TICRR: variants seen among roughly 807,000 people sequenced by gnomAD.
TICRR encodes the protein treslin.
TICRR carries 132 observed loss-of-function variants against 178.1 expected under a neutral mutation model. The observed-to-expected ratio is 0.74, with a 90% CI of 0.64 to 0.86. The LOEUF is 0.86. Among genes scored for constraint, TICRR ranks in the 40% least tolerant of loss-of-function variants. The pLI is 0.00. For missense variants in TICRR, 2,587 were observed against 2,334.3 expected (o/e 1.11, Z -2.23); for synonymous variants, 991 against 900.7 (o/e 1.10, Z -1.79).
chr15:89,623,864 G>T lies in TICRR; in HGVS notation c.3554G>T (p.Gly1185Val), dbSNP rs770700341. ...PQKRHTQAGEGTSLETKTPRT... is the reference protein window; with the variant it reads ...PQKRHTQAGEVTSLETKTPRT... ...AAACGACATACCCAGGCAGGAGAAG[G>T]TACCTCTCTTGAAACGAAGACACCA... Residue 1185 changes from glycine to valine, a missense_variant, in exon 20 of 22, where the codon GGT becomes GTT. Gly to Val is a moderately radical substitution (Grantham distance 109, BLOSUM62 -3). Transcript: ENST00000268138. 1 of 1,613,840 alleles carries T rather than the reference G, an allele frequency of 6.2e-7. No individual in the cohort carries two copies. The highest frequency in any genetic ancestry group is 1.3e-5 in the African/African-American group (1 of 74,984).
Position 89,599,405 on chromosome 15 carries a change from A to G in TICRR, c.1982A>G (p.Tyr661Cys). The G allele has an allele frequency of 1.9e-6, 3 of 1,613,886 alleles. No homozygotes were observed. Among genetic ancestry groups the G allele is most frequent in the Non-Finnish European group, 2.5e-6 (3 of 1,179,888 alleles). The change falls in exon 8 of 22, where the codon TAT becomes TGT. Residue 661 changes from tyrosine (Y) to cysteine (C), a missense_variant. Transcript: ENST00000268138. ...KTVATGEIML[Y>C]ACARNMISTV... ...GTGGCCACAGGAGAAATCATGTTGT[A>G]TGCATGTGCTCGAAACATGATCTCA...
At position 89,625,269 on chromosome 15, in the gene TICRR, T is replaced by A; in HGVS notation, c.4959T>A (p.Pro1653=). 6.2e-7 allele frequency: 1 copy of A among 1,613,440 alleles called. No individual in the cohort carries two copies. Among genetic ancestry groups the A allele is most frequent in the Admixed American group, 1.7e-5 (1 of 59,996 alleles). Residue 1653 remains proline, a synonymous_variant, in exon 20 of 22, where the codon CCT becomes CCA. Coordinates refer to ENST00000268138, the MANE Select transcript of TICRR (RefSeq NM_152259.4). The stretch of plus-strand genomic sequence containing the variant: ...AGGCCTGTACCCCCACCCACGGCCC[T>A]TCTAGTACCCCCTCTCCATTTCAAA... The part of the protein sequence containing the change: ...ICQACTPTHG[P]SSTPSPFQTD...
At chr15:89,615,879 A>G (rs1013720383) in intron 15 of TICRR, among the ~76,000 whole-genome samples, 3 of 151,466 alleles carry the variant, frequency 2.0e-5, no homozygotes, top group Admixed American at 6.6e-5. Flanking sequence ...AAAATTTTAT[A>G]TTTATATTGT....
intron 19 of TICRR, 66 bp downstream of exon 19, chr15:89,621,616 CT>C: frequency 5.1e-6 from 7 of 1,383,388 alleles, no homozygotes; most frequent in Non-Finnish European, 6.9e-6. Context: ...GGCCAAGGAA[CT>C]CAGAGTCCAT....
chr15:89,624,621 A>G lies in TICRR; in HGVS notation c.4311A>G (p.Arg1437=), dbSNP rs1807000266. The change falls in exon 20 of 22, where the codon AGA becomes AGG. Residue 1437 remains arginine (R), a synonymous_variant. Transcript: ENST00000268138. Reference sequence around the variant, plus strand: ...TCTCTCCTCAGTCTCCTCCTGAAAGACGGGGCTACCCAGGCCCTGGTCTCA... The same window carrying G: ...TCTCTCCTCAGTCTCCTCCTGAAAGGCGGGGCTACCCAGGCCCTGGTCTCA... ...LSLSPQSPPE[R]RGYPGPGLRS... is the part of the protein sequence containing the mutation. 7.4e-6 allele frequency: 12 copies of G among 1,613,850 alleles called. No individual in the cohort carries two copies. Among genetic ancestry groups the G allele is most frequent in the Non-Finnish European group, 1.0e-5 (12 of 1,180,022 alleles).
chr15:89,618,184 T>C lies in TICRR; in HGVS notation c.2993T>C (p.Val998Ala). The change falls in exon 17 of 22, where the codon GTT (valine) becomes GCT (alanine). Residue 998 changes from valine (V) to alanine (A), a missense_variant. By Grantham distance (64) the Val-to-Ala change is moderately conservative. Coordinates refer to ENST00000268138, the MANE Select transcript of TICRR (RefSeq NM_152259.4). ...SSDPGPDIGV[V>A]EESPEKGDEI... ...GATCCTGGTCCTGATATTGGTGTTG[T>C]TGAAGAGTCCCCTGAAAAAGGAGAT... 5.6e-6 allele frequency: 9 copies of C among 1,614,214 alleles called. No homozygotes were observed. The highest frequency in any genetic ancestry group is 7.6e-6 in the Non-Finnish European group (9 of 1,180,030).
intron 13 of TICRR, among the ~76,000 whole-genome samples, chr15:89,603,981 C>T: frequency 6.6e-6 from 1 of 151,474 alleles, no homozygotes; most frequent in Non-Finnish European, 1.5e-5. Context: ...TAATGGGGTA[C>T]TATTGTTGTT....
At chr15:89,623,296 T>G (rs955488087) in intron 19 of TICRR, among the ~76,000 whole-genome samples, 2 of 152,224 alleles carry the variant, frequency 1.3e-5, no homozygotes, top group Non-Finnish European at 2.9e-5. Context: ...CTGCCTTATC[T>G]GAAAAGAAGG....
Position 89,601,376 on chromosome 15 carries a change from A to C in TICRR, c.2232A>C (p.Glu744Asp). 1 of 1,614,184 alleles carries C rather than the reference A, an allele frequency of 6.2e-7. No homozygotes were observed. Among genetic ancestry groups the C allele is most frequent in the Non-Finnish European group, 8.5e-7 (1 of 1,180,016 alleles). Residue 744 changes from glutamate to aspartate, a missense_variant, in exon 10 of 22, where the codon GAA becomes GAC. By Grantham distance (45) the Glu-to-Asp change is conservative (BLOSUM62 2). Transcript: ENST00000268138. ...TAAATGAAAGTACAGATGATATGGA[A>C]CAAGTAGTGGAGGAGGCAAGTATAT... is the stretch of plus-strand genomic sequence containing the variant. The part of the protein sequence containing the change: ...PSINESTDDM[E>D]QVVEEVTDLL...
At position 89,627,799 on chromosome 15, in the gene TICRR, GC is replaced by G. The variant is rs548897408; in HGVS notation, c.*717del. The G allele has an allele frequency of 2.0e-5, 3 of 152,430 alleles. No homozygotes were observed. In the East Asian group the frequency reaches 5.8e-4, roughly 29 times the overall value. The allele number at this position is 152,430 out of a possible 1,614,324, so 9.4% of individuals were successfully genotyped here. On this transcript the variant is annotated 3_prime_UTR_variant, in exon 22 of 22. Transcript: ENST00000268138. ...TCCACCAAGAGTGCCCCACAGGAGT[GC>G]CCCACAGACCCGCTGGACCAGCCTG...
chr15:89,608,760 A>T lies in TICRR; in HGVS notation c.2723-43A>T, dbSNP rs1223194198. 2.0e-6 allele frequency: 3 copies of T among 1,526,564 alleles called. No individual in the cohort carries two copies. In the East Asian group the frequency reaches 7.2e-5, roughly 37 times the overall value. The allele number at this position is 1,526,564 out of a possible 1,614,324, so 94.6% of individuals were successfully genotyped here. On this transcript the variant is annotated intron_variant, in intron 14 of 21. Transcript: ENST00000268138. Reference sequence around the variant, plus strand: ...TCAGATACGGCATTTATTGATGATAATCTTTGGGTTTTTCTTTTTCTTTTA... The same window carrying T: ...TCAGATACGGCATTTATTGATGATATTCTTTGGGTTTTTCTTTTTCTTTTA...
At chr15:89,603,712 T>A (rs186684530) in intron 13 of TICRR, among the ~76,000 whole-genome samples, 353 of 152,338 alleles carry the variant, frequency 2.3e-3, no homozygotes, top group African/African-American at 7.8e-3. Context: ...AGACCCCCAG[T>A]GGATGCCTGA....
chr15:89,616,234 A>G (rs954849498), intron 15 of TICRR, among the ~76,000 whole-genome samples, 171 bp from the exon 16 acceptor site: 9 of 152,208 alleles, frequency 5.9e-5, no homozygotes, highest in Admixed American at 2.6e-4. Flanking sequence ...AGTGCTGACA[A>G]ACTTCTATCA....
Position 89,625,193 on chromosome 15 carries a change from G to A in TICRR, c.4883G>A (p.Arg1628His), listed in dbSNP as rs145901260. 1.1e-4 allele frequency: 178 copies of A among 1,613,268 alleles called. 1 individual carries two copies. Among genetic ancestry groups the A allele is most frequent in the East Asian group, 1.1e-3 (48 of 44,860 alleles). ...EPTYVSPPCPRLSHSTPGKSR... is the reference protein window; with the variant it reads ...EPTYVSPPCPHLSHSTPGKSR... ...ACCTATGTGTCACCCCCCTGCCCCC[G>A]CCTCTCCCACAGCACACCTGGCAAG... Residue 1628 changes from arginine (R) to histidine (H), a missense_variant, in exon 20 of 22, where the codon CGC becomes CAC. Coordinates refer to ENST00000268138, the MANE Select transcript of TICRR (RefSeq NM_152259.4).
intron 2 of TICRR, 126 bp downstream of exon 2, chr15:89,583,091 A>G: frequency 9.1e-7 from 1 of 1,095,192 alleles, no homozygotes; most frequent in Non-Finnish European, 1.3e-6. Context: ...TTGTCATGAA[A>G]GAATTAAAAG....
At position 89,606,786 on chromosome 15, in the gene TICRR, C is replaced by T. The variant is rs774791008; in HGVS notation, c.2683C>T (p.Pro895Ser). The change falls in exon 14 of 22, where the codon CCT (proline) becomes TCT (serine). Residue 895 changes from proline (P) to serine (S), a missense_variant. Physicochemically the swap from Pro to Ser is moderately conservative, Grantham distance 74. Transcript: ENST00000268138. ...GTTTCAGGAGAACTCTCACCCTGCT[C>T]CTCAGCAGCCTTCCCAGCCAGTGAA... is the stretch of plus-strand genomic sequence containing the variant. ...ATKKENSHPA[P>S]QQPSQPVKDT... The T allele has an allele frequency of 6.2e-6, 10 of 1,613,700 alleles. No homozygotes were observed.
At chr15:89,614,224 C>G (rs1963299835) in intron 15 of TICRR, among the ~76,000 whole-genome samples, 1 of 151,950 alleles carries the variant, frequency 6.6e-6, no homozygotes, top group Non-Finnish European at 1.5e-5. Context: ...TTCTCAGGGA[C>G]AGATTCTGTT....
In TICRR at chr15:89,601,294, C is replaced by CG; in HGVS notation, c.2154-4_2154-3insG. 1.9e-6 allele frequency: 3 copies of CG among 1,612,282 alleles called. No individual in the cohort carries two copies. The highest frequency in any genetic ancestry group is 1.7e-6 in the Non-Finnish European group (2 of 1,179,298). ...GATATGACCAAGTATTTTTTTCTCT[C>CG]AAGGTGCCAGCTTCAGGTATTTCTT... On this transcript the variant is annotated splice_polypyrimidine_tract_variant and splice_region_variant and intron_variant, in intron 9 of 21. Transcript: ENST00000268138.
At chr15:89,626,881 C>T in intron 21 of TICRR, 75 bp from the exon 22 acceptor site, 5 of 1,535,984 alleles carry the variant, frequency 3.3e-6, no homozygotes, top group Non-Finnish European at 4.4e-6. Context: ...GTGTAACCCT[C>T]TGCAATTTAA....
Sources: allele counts gnomAD v4.1 joint callset (sites outside exome capture counted in the v4.1 genomes callset), GRCh38; gene constraint gnomAD v4.1.1; transcripts MANE v1.5; gene names NCBI Gene and HGNC (gene_info 2026-07-23, HGNC 2026-07-21).